COL13A1: variants seen among roughly 807,000 people sequenced by gnomAD.
The protein encoded by COL13A1 is collagen type XIII alpha 1 chain, also known as collagen alpha-1(XIII) chain.
In COL13A1, 89 loss-of-function variants were observed where a neutral mutation model predicts 130.9. The observed-to-expected ratio is 0.68, with a 90% CI of 0.57 to 0.81. The LOEUF (loss-of-function observed/expected upper bound fraction) is 0.81, where lower values mean the gene tolerates loss of function less well. COL13A1 is among the 30% of genes least tolerant of loss of function. The pLI, the probability that COL13A1 is intolerant of heterozygous loss-of-function variation, is 0.00. For missense variants in COL13A1, 879 were observed against 934.6 expected, an observed-to-expected ratio of 0.94 and a Z score of 0.78; for synonymous variants, 402 against 341.6, an observed-to-expected ratio of 1.18 and a Z score of -1.95.
At chr10:69,932,196 CAT>C (rs1195611129) in intron 30 of COL13A1, among the ~76,000 whole-genome samples, 2 of 152,278 alleles carry the variant, frequency 1.3e-5, no homozygotes, top group East Asian at 3.9e-4. Context: ...ATATTTGTAA[CAT>C]AATCTTAATA....
intron 20 of COL13A1, among the ~76,000 whole-genome samples, chr10:69,919,342 C>T (rs2064332588): frequency 6.6e-6 from 1 of 152,186 alleles, no homozygotes; most frequent in South Asian, 2.1e-4. Context: ...CTCTTTCCCT[C>T]TTGTGTGACA....
chr10:69,860,797 G>C, intron 2 of COL13A1: 1 of 213,410 alleles, frequency 4.7e-6, no homozygotes, highest in Non-Finnish European at 9.8e-6. Flanking sequence ...CAAGGGAGCT[G>C]CAGGGATGGT....
chr10:69,930,018 T>C, intron 28 of COL13A1, 25 bp from the exon 29 acceptor site: 3 of 1,612,114 alleles, frequency 1.9e-6, no homozygotes, highest in Non-Finnish European at 2.5e-6. Context: ...GCCCTGAGAG[T>C]CACCTTTAGT....
intron 1 of COL13A1, among the ~76,000 whole-genome samples, chr10:69,821,182 A>G (rs1380982734): frequency 6.6e-6 from 1 of 152,218 alleles, no homozygotes; most frequent in Non-Finnish European, 1.5e-5. Flanking sequence ...TTTTCAAGAG[A>G]AATTACAAAT....
chr10:69,814,642 T>G (rs1218020378), intron 1 of COL13A1, among the ~76,000 whole-genome samples: 1 of 152,256 alleles, frequency 6.6e-6, no homozygotes, highest in African/African-American at 2.4e-5. Flanking sequence ...AATATCAAGG[T>G]CCAGAGGGGT....
intron 3 of COL13A1, among the ~76,000 whole-genome samples, chr10:69,870,186 T>TA (rs935977525): frequency 6.1e-4 from 56 of 91,160 alleles, no homozygotes; most frequent in South Asian, 1.7e-3. Flanking sequence ...TATATATATA[T>TA]TTTTTTTACT....
At position 69,845,189 on chromosome 10, in the gene COL13A1, CT is replaced by C. The variant is rs1299682294; in HGVS notation, c.365-22604del. Among the ~76,000 whole-genome samples, 26 of 88,620 alleles carry C rather than the reference CT, an allele frequency of 2.9e-4. No homozygotes were observed. The Admixed American group carries it at 3.0e-3, about 10-fold the overall frequency. 58.1% of individuals were successfully genotyped at this position (88,620 alleles called of 152,430 possible). A position where few individuals can be genotyped will look rare whatever the true frequency, so the allele number is the denominator to read the frequency against. The stretch of plus-strand genomic sequence containing the variant: ...TTCTTTTCTCTTTTTCTTTTCTTTT[CT>C]TTTTCTTTTTTTTTTTTTCTGAGAC... On this transcript the variant is annotated intron_variant, in intron 2 of 40. Coordinates refer to ENST00000645393, the MANE Select transcript of COL13A1 (RefSeq NM_001368882.1).
At chr10:69,820,905 T>C (rs572603554) in intron 1 of COL13A1, among the ~76,000 whole-genome samples, 6 of 152,206 alleles carry the variant, frequency 3.9e-5, no homozygotes, top group Non-Finnish European at 5.9e-5. Flanking sequence ...CTCTACTTGC[T>C]CTGAATCCTT....
At chr10:69,877,233 G>T (rs1353069323) in intron 5 of COL13A1, 1 of 152,220 alleles carries the variant, frequency 6.6e-6, no homozygotes, top group Non-Finnish European at 1.5e-5. Flanking sequence ...GGCCCCACTG[G>T]CCTGTCCAGA....
At chr10:69,909,674 G>T (rs1376190541) in intron 17 of COL13A1, among the ~76,000 whole-genome samples, 1 of 152,160 alleles carries the variant, frequency 6.6e-6, no homozygotes, top group East Asian at 1.9e-4. Context: ...TCCTTGGGAG[G>T]CTATAAATGC....
chr10:69,878,207 G>T (rs1275125704), intron 6 of COL13A1, 142 bp downstream of exon 6: 1 of 632,754 alleles, frequency 1.6e-6, no homozygotes, highest in African/African-American at 1.8e-5. Context: ...TGCCTCTCAC[G>T]GCCCCGTTTC....
chr10:69,888,238 C>T, intron 8 of COL13A1, 66 bp from the exon 9 acceptor site: 1 of 1,588,868 alleles, frequency 6.3e-7, no homozygotes. Flanking sequence ...TCCCCACTGC[C>T]CAGGCAGCCT....
rs1314417933 is a variant in COL13A1, at chr10:69,937,659, A to G, written c.1822A>G (p.Lys608Glu). 3 of 1,575,960 alleles carry G rather than the reference A, an allele frequency of 1.9e-6. No homozygotes were observed. The Admixed American group carries it at 5.0e-5, about 26-fold the overall frequency. Reference sequence around the variant, plus strand: ...GGGGGAAGCAGGACTAGATGGAGCAAAAGGAGAGAAAGGCTTCCAGGGAGA... The same window carrying G: ...GGGGGAAGCAGGACTAGATGGAGCAGAAGGAGAGAAAGGCTTCCAGGGAGA... ...PKGEAGLDGA[K>E]GEKGFQGEKG... is the part of the protein sequence containing the mutation. Residue 608 changes from lysine to glutamate, a missense_variant, in exon 34 of 41, where the codon AAA becomes GAA. Lys to Glu is a moderately conservative substitution (Grantham distance 56). Around this residue, in one of 3 missense-constraint regions of COL13A1, gnomAD observed 96 missense variants for 147.7 expected, o/e 0.65. Coordinates refer to ENST00000645393, the MANE Select transcript of COL13A1 (RefSeq NM_001368882.1).
At position 69,889,454 on chromosome 10, in the gene COL13A1, T is replaced by G. The variant is rs200853264; in HGVS notation, c.603+14T>G. The G allele has an allele frequency of 1.9e-6, 3 of 1,610,592 alleles. No homozygotes were observed. The highest frequency in any genetic ancestry group is 2.7e-5 in the African/African-American group (2 of 74,990). ...AAGGGCGACATGGTAAGAGCCCAGCTTTCCTGCCTTCCCGAGATGGGTGGG... is the reference window on the plus strand; with the variant it reads ...AAGGGCGACATGGTAAGAGCCCAGCGTTCCTGCCTTCCCGAGATGGGTGGG... On this transcript the variant is annotated intron_variant, in intron 10 of 40. Transcript: ENST00000645393.
intron 32 of COL13A1, among the ~76,000 whole-genome samples, 184 bp from the exon 33 acceptor site, chr10:69,936,572 A>G (rs1423718143): frequency 2.0e-5 from 3 of 152,100 alleles, no homozygotes; most frequent in African/African-American, 7.2e-5. Flanking sequence ...ACTGGCTCAG[A>G]CTATTCCCTA....
rs536376816 is a variant in COL13A1 at position 69,808,919 on chromosome 10, C to T, written c.294+6202C>T. Among the ~76,000 whole-genome samples, 195 of 152,320 alleles carry T rather than the reference C, an allele frequency of 1.3e-3. 1 individual carries two copies. The highest frequency in any genetic ancestry group is 4.4e-3 in the African/African-American group (184 of 41,564). ...AACCAGCAGAGGATGAGATGATTGA[C>T]TTCTGTGTGTCCAGGCTGCATGCCT... On this transcript the variant is annotated intron_variant, in intron 1 of 40. Transcript: ENST00000645393.
intron 2 of COL13A1, among the ~76,000 whole-genome samples, chr10:69,828,207 GA>G (rs1251832952): frequency 6.6e-6 from 1 of 152,074 alleles, no homozygotes; most frequent in Admixed American, 6.5e-5. Context: ...TCAATATTCA[GA>G]CTCCCCCTTG....
intron 19 of COL13A1, among the ~76,000 whole-genome samples, chr10:69,918,638 G>A (rs182092446): frequency 6.6e-6 from 1 of 152,314 alleles, no homozygotes; most frequent in Admixed American, 6.5e-5. Context: ...CAAAGCTTCA[G>A]AGAGAGCAGG....
At chr10:69,815,930 TG>T (rs772347998) in intron 1 of COL13A1, among the ~76,000 whole-genome samples, 48 of 149,332 alleles carry the variant, frequency 3.2e-4, no homozygotes, top group Non-Finnish European at 6.7e-4. Context: ...AGTGGTGTGC[TG>T]GGGGAGGAAG....
Sources: allele counts gnomAD v4.1 joint callset (sites outside exome capture counted in the v4.1 genomes callset), GRCh38; gene constraint gnomAD v4.1.1; regional missense constraint gnomAD v4.1.1; transcripts MANE v1.5; gene names NCBI Gene and HGNC (gene_info 2026-07-23, HGNC 2026-07-21).